TNRC18: variants seen among roughly 807,000 people sequenced by gnomAD.
TNRC18 encodes trinucleotide repeat-containing gene 18 protein.
TNRC18 carries 69 observed loss-of-function variants against 226.7 expected under a neutral mutation model. That is an observed-to-expected ratio of 0.30 (90% confidence interval 0.25 to 0.37). The LOEUF is 0.37. Among genes scored for constraint, TNRC18 ranks in the 10% least tolerant of loss-of-function variants. The pLI is 1.00. For synonymous variants in TNRC18, 2,449 were observed against 1,927.6 expected, an observed-to-expected ratio of 1.27 and a Z score of -7.09; for missense variants, 4,754 against 4,256.6, an observed-to-expected ratio of 1.12 and a Z score of -3.25.
chr7:5,404,435 A>T (rs1186719842), intron 2 of TNRC18, among the ~76,000 whole-genome samples: 2 of 152,208 alleles, frequency 1.3e-5, no homozygotes, highest in Non-Finnish European at 2.9e-5. Context: ...ACTCCATCGA[A>T]ATTTCAAGGC....
intron 3 of TNRC18, among the ~76,000 whole-genome samples, chr7:5,392,868 C>T (rs577820890): frequency 4.6e-5 from 7 of 152,052 alleles, no homozygotes; most frequent in Admixed American, 2.0e-4. Flanking sequence ...AGTAGTTAAC[C>T]GGGCGTGATG....
At chr7:5,407,161 T>C (rs1781529739) in intron 2 of TNRC18, 2 of 152,334 alleles carry the variant, frequency 1.3e-5, no homozygotes, top group South Asian at 4.1e-4. Context: ...CTGCACGTCC[T>C]TGGCACTGCG....
At chr7:5,378,154 T>C (rs1051738008) in intron 5 of TNRC18, 130 bp from the exon 6 acceptor site, 3 of 651,084 alleles carry the variant, frequency 4.6e-6, no homozygotes, top group Non-Finnish European at 2.6e-6. Flanking sequence ...ATCCGTGTAG[T>C]GCCTTCACCC....
At chr7:5,327,989 A>G (rs1446377730) in intron 19 of TNRC18, among the ~76,000 whole-genome samples, 1 of 152,142 alleles carries the variant, frequency 6.6e-6, no homozygotes, top group East Asian at 1.9e-4. Flanking sequence ...CGGGAAGCCA[A>G]GGCAGGCGGA....
chr7:5,404,495 T>C (rs1781332688), intron 2 of TNRC18, among the ~76,000 whole-genome samples: 1 of 152,212 alleles, frequency 6.6e-6, no homozygotes, highest in Non-Finnish European at 1.5e-5. Flanking sequence ...TTTCATTCCA[T>C]CAAATCAGCA....
chr7:5,311,656 T>C (rs1438732119), intron 27 of TNRC18, among the ~76,000 whole-genome samples: 1 of 151,634 alleles, frequency 6.6e-6, no homozygotes, highest in Non-Finnish European at 1.5e-5. Flanking sequence ...TCTACAAAAA[T>C]ATTTAAAAAT....
rs772785580 is a variant in TNRC18, at chr7:5,357,244, G to A, written c.4866C>T (p.Asp1622=). Residue 1622 remains aspartate (D), a synonymous_variant, in exon 16 of 30, where the codon GAC becomes GAT. Transcript: ENST00000430969. Reference sequence around the variant, plus strand: ...CGAGCTTGCTTGCCAACTGCTCCTGGTCGCTGGCCATCTTCTTCTTCTTAA... The same window carrying A: ...CGAGCTTGCTTGCCAACTGCTCCTGATCGCTGGCCATCTTCTTCTTCTTAA... ...LKIKKKKMAS[D]QEQLASKLDK... is the part of the protein sequence containing the mutation. 5.0e-6 allele frequency: 8 copies of A among 1,612,230 alleles called. No homozygotes were observed. The Admixed American group carries it at 1.3e-4, about 27-fold the overall frequency.
At chr7:5,423,295 G>A (rs979505551) in intron 1 of TNRC18, 146 bp downstream of exon 1, 1 of 152,058 alleles carries the variant, frequency 6.6e-6, no homozygotes, top group Non-Finnish European at 1.5e-5. Context: ...GCCGGCCCTG[G>A]TCCCCGATTC....
At position 5,357,272 on chromosome 7, in the gene TNRC18, T is replaced by G. The variant is rs757337489; in HGVS notation, c.4838A>C (p.Lys1613Thr). The G allele has an allele frequency of 2.5e-6, 4 of 1,609,068 alleles. No individual in the cohort carries two copies. The African/African-American group carries it at 4.0e-5, about 16-fold the overall frequency. The change falls in exon 16 of 30, where the codon AAG becomes ACG. Residue 1613 changes from lysine (K) to threonine (T), a missense_variant. Lys to Thr is a moderately conservative substitution (Grantham distance 78). Transcript: ENST00000430969. ...EASSDFISQL[K>T]IKKKKMASDQ... is the part of the protein sequence containing the mutation. ...GCTGGCCATCTTCTTCTTCTTAATC[T>G]TTAGCTGGAGAGGGAAGGTGGGTCA... is the stretch of plus-strand genomic sequence containing the variant.
intron 21 of TNRC18, among the ~76,000 whole-genome samples, chr7:5,322,070 A>G (rs1030304943): frequency 4.6e-5 from 7 of 151,856 alleles, no homozygotes; most frequent in Non-Finnish European, 7.4e-5. Context: ...ACAAGGTCAG[A>G]AGATCAAGAC....
At chr7:5,356,516 C>A (rs1792403306) in intron 16 of TNRC18, among the ~76,000 whole-genome samples, 1 of 152,244 alleles carries the variant, frequency 6.6e-6, no homozygotes, top group South Asian at 2.1e-4. Context: ...CCTCTAGGAC[C>A]CTCAAGAGCA....
chr7:5,390,725 C>A, intron 3 of TNRC18, 97 bp from the exon 4 acceptor site: 1 of 1,389,614 alleles, frequency 7.2e-7, no homozygotes, highest in South Asian at 1.6e-5. Flanking sequence ...TGGCAGCCGA[C>A]CGCTGGTACA....
At chr7:5,376,316 C>A in intron 8 of TNRC18, 92 bp from the exon 9 acceptor site, 1 of 1,152,270 alleles carries the variant, frequency 8.7e-7, no homozygotes, top group Non-Finnish European at 1.2e-6. Context: ...AGAGGGGCCA[C>A]ACCCACACAG....
chr7:5,335,103 A>G (rs1248020223), intron 18 of TNRC18, among the ~76,000 whole-genome samples: 1 of 151,030 alleles, frequency 6.6e-6, no homozygotes, highest in Non-Finnish European at 1.5e-5. Flanking sequence ...GGAGTTCAAG[A>G]CCATCCTGGC....
intron 11 of TNRC18, among the ~76,000 whole-genome samples, chr7:5,365,360 G>A (rs549434287): frequency 2.8e-4 from 43 of 152,012 alleles, no homozygotes; most frequent in Admixed American, 5.2e-4. Flanking sequence ...TGATCCTCCC[G>A]CCTCAGCCTC....
At position 5,356,984 on chromosome 7, in the gene TNRC18, AACCCC is replaced by A; in HGVS notation, c.5121_5125del (p.Gly1708GlnfsTer54). 6.4e-7 allele frequency: 1 copy of A among 1,552,214 alleles called. No homozygotes were observed. The highest frequency in any genetic ancestry group is 8.7e-7 in the Non-Finnish European group (1 of 1,147,096). ...CGACTTGGGCTGGCCTCTGGCCTTG[AACCCC>A]ACCTCCATCTTCCTGGTTTTGGCTG... On this transcript the variant is annotated frameshift_variant, in exon 16 of 30. Coordinates refer to ENST00000430969, the MANE Select transcript of TNRC18 (RefSeq NM_001080495.3). LOFTEE classifies it high-confidence loss of function.
intron 17 of TNRC18, among the ~76,000 whole-genome samples, chr7:5,349,033 C>T (rs10266885): frequency 1.3e-5 from 2 of 152,156 alleles, no homozygotes; most frequent in Non-Finnish European, 2.9e-5. Context: ...CACTCAGGTG[C>T]GCAGACTCCA....
At chr7:5,412,053 G>A (rs1340144381) in intron 2 of TNRC18, among the ~76,000 whole-genome samples, 1 of 151,916 alleles carries the variant, frequency 6.6e-6, no homozygotes, top group Non-Finnish European at 1.5e-5. Flanking sequence ...CAGGTGTGGT[G>A]GAACGCACCT....
intron 2 of TNRC18, 194 bp downstream of exon 2, chr7:5,420,866 G>T: frequency 1.3e-6 from 1 of 761,458 alleles, no homozygotes; most frequent in South Asian, 1.5e-5. Flanking sequence ...AAAGGTAGCC[G>T]AGCCGCGCGA....
Sources: gnomAD v4.1 joint callset for allele counts (sites outside exome capture counted in the v4.1 genomes callset) on GRCh38, gnomAD v4.1.1 for gene constraint, MANE v1.5 for transcripts, NCBI Gene and HGNC (gene_info 2026-07-23, HGNC 2026-07-21) for gene names.